ARL15: variants seen among roughly 807,000 people sequenced by gnomAD.
ARL15 encodes the protein ADP-ribosylation factor-like protein 15.
ARL15 carries 19 observed loss-of-function variants against 25.2 expected under a neutral mutation model. The observed-to-expected ratio is 0.75, with a 90% confidence interval of 0.53 to 1.10. The LOEUF is 1.10. ARL15 is among the 50% of genes least tolerant of loss of function. ARL15 has a pLI of 0.00. For synonymous variants in ARL15, 94 were observed against 86.8 expected (o/e 1.08, Z -0.46); for missense variants, 220 against 246.0 (o/e 0.89, Z 0.71).
intron 4 of ARL15, among the ~76,000 whole-genome samples, chr5:53,975,292 C>T (rs905531104): frequency 6.6e-6 from 1 of 152,206 alleles, no homozygotes; most frequent in Non-Finnish European, 1.5e-5. Context: ...TCACTAAGAA[C>T]ACCTCCAGTC....
chr5:53,935,194 T>C (rs905374519), intron 4 of ARL15, among the ~76,000 whole-genome samples: 2 of 152,206 alleles, frequency 1.3e-5, no homozygotes, highest in African/African-American at 4.8e-5. Flanking sequence ...AATTGGGTGC[T>C]ACTTGTTTCA....
At chr5:54,115,596 A>G (rs1752876222) in intron 3 of ARL15, among the ~76,000 whole-genome samples, 1 of 152,208 alleles carries the variant, frequency 6.6e-6, no homozygotes, top group African/African-American at 2.4e-5. Context: ...ATAATTGACT[A>G]AGCCTTTGAA....
At chr5:53,989,576 G>GGTGT (rs34198507) in intron 4 of ARL15, among the ~76,000 whole-genome samples, 5 of 149,602 alleles carry the variant, frequency 3.3e-5, no homozygotes, top group East Asian at 2.0e-4. Context: ...ACCAGGGAGG[G>GGTGT]GTGTGTGTGT....
intron 4 of ARL15, among the ~76,000 whole-genome samples, chr5:54,069,407 C>T (rs1351491261): frequency 6.6e-6 from 1 of 151,852 alleles, no homozygotes; most frequent in African/African-American, 2.4e-5. Flanking sequence ...CCCGTCTCTA[C>T]TAAAAATACA....
chr5:53,998,849 C>A (rs1748768187), intron 4 of ARL15, among the ~76,000 whole-genome samples: 1 of 152,148 alleles, frequency 6.6e-6, no homozygotes. Context: ...CAATGAGAAC[C>A]AGGGCAACAC....
chr5:54,011,662 A>G (rs749662552), intron 4 of ARL15, among the ~76,000 whole-genome samples: 1 of 152,174 alleles, frequency 6.6e-6, no homozygotes, highest in Non-Finnish European at 1.5e-5. Flanking sequence ...GGAAGCTTGA[A>G]TGCAGGCAGT....
intron 4 of ARL15, among the ~76,000 whole-genome samples, chr5:54,090,426 G>C (rs1174598447): frequency 6.9e-6 from 1 of 145,628 alleles, no homozygotes; most frequent in East Asian, 2.0e-4. Context: ...GTATTGAAAA[G>C]CAAAAAAAAA....
At chr5:53,951,845 GA>G (rs1746976767) in intron 4 of ARL15, among the ~76,000 whole-genome samples, 1 of 107,770 alleles carries the variant, frequency 9.3e-6, no homozygotes, top group African/African-American at 3.3e-5. Context: ...TTACATAAAA[GA>G]ATTTTTTTTT....
rs569597232 is a variant in ARL15 at position 53,885,439 on chromosome 5, T to C, written c.*1122A>G. The C allele has an allele frequency of 6.6e-6, 1 of 152,590 alleles. No homozygotes were observed. Among genetic ancestry groups the C allele is most frequent in the Non-Finnish European group, 1.5e-5 (1 of 68,014 alleles). The allele number at this position is 152,590 out of a possible 1,614,324, so 9.5% of individuals were successfully genotyped here. ...TCCAAAGACTGAATATGAGTCCCAATATTATTTATTTGCTGCAGCCCCAGC... is the reference window on the plus strand; with the variant it reads ...TCCAAAGACTGAATATGAGTCCCAACATTATTTATTTGCTGCAGCCCCAGC... On this transcript the variant is annotated 3_prime_UTR_variant, in exon 5 of 5. Transcript: ENST00000504924.
chr5:54,048,313 T>A (rs1197328425), intron 4 of ARL15: 1 of 151,588 alleles, frequency 6.6e-6, no homozygotes, highest in Admixed American at 6.6e-5. Flanking sequence ...CTTGGCTTAT[T>A]TGTTTTTAAA....
At chr5:53,949,498 T>A (rs1746874106) in intron 4 of ARL15, among the ~76,000 whole-genome samples, 1 of 152,216 alleles carries the variant, frequency 6.6e-6, no homozygotes, top group East Asian at 1.9e-4. Context: ...TATTAGGAGA[T>A]GTAGTTTCTT....
chr5:54,004,364 G>A (rs765310299), intron 4 of ARL15, among the ~76,000 whole-genome samples: 24 of 152,056 alleles, frequency 1.6e-4, no homozygotes, highest in African/African-American at 3.6e-4. Flanking sequence ...ATGGTGGCGC[G>A]TGCCTGTAGT....
At chr5:53,919,301 GAATTAGGGAAGCCATTGAA>G (rs1484460494) in intron 4 of ARL15, among the ~76,000 whole-genome samples, 8 of 152,296 alleles carry the variant, frequency 5.3e-5, no homozygotes, top group African/African-American at 1.9e-4. Context: ...AACTTGGAAG[GAATTAGGGAAGCCATTGAA>G]ATGAATGCAG....
chr5:54,308,110 T>C (rs1452142405), intron 1 of ARL15, among the ~76,000 whole-genome samples: 1 of 152,202 alleles, frequency 6.6e-6, no homozygotes, highest in Non-Finnish European at 1.5e-5. Context: ...AGAAAAATAA[T>C]GTGTGGCACA....
chr5:54,125,044 T>C (rs530145771), intron 3 of ARL15, among the ~76,000 whole-genome samples: 1 of 152,172 alleles, frequency 6.6e-6, no homozygotes, highest in African/African-American at 2.4e-5. Context: ...ATTCTCTCTA[T>C]TGCCTTTCTG....
intron 3 of ARL15, among the ~76,000 whole-genome samples, chr5:54,137,500 C>T (rs1753639735): frequency 6.6e-6 from 1 of 152,130 alleles, no homozygotes; most frequent in African/African-American, 2.4e-5. Flanking sequence ...TAGCCTAGTA[C>T]ACATAAAAAC....
chr5:53,907,371 G>T (rs1453899770), intron 4 of ARL15, among the ~76,000 whole-genome samples: 15 of 147,576 alleles, frequency 1.0e-4, no homozygotes, highest in African/African-American at 3.8e-4. Context: ...GTGTAGGTGA[G>T]CATGTGTGTA....
At chr5:53,919,959 G>A (rs1212367721) in intron 4 of ARL15, among the ~76,000 whole-genome samples, 1 of 152,152 alleles carries the variant, frequency 6.6e-6, no homozygotes, top group African/African-American at 2.4e-5. Context: ...GGGAATAACA[G>A]CTGTCTTTGA....
At chr5:54,042,764 C>T (rs531788220) in intron 4 of ARL15, among the ~76,000 whole-genome samples, 73 of 152,324 alleles carry the variant, frequency 4.8e-4, no homozygotes, top group African/African-American at 1.6e-3. Flanking sequence ...TGGTCTCCTA[C>T]CACACTTCTC....
Sources: allele counts gnomAD v4.1 joint callset (sites outside exome capture counted in the v4.1 genomes callset), GRCh38; gene constraint gnomAD v4.1.1; transcripts MANE v1.5; gene names NCBI Gene and HGNC (gene_info 2026-07-23, HGNC 2026-07-21).